Variants in LINGO2 observed in about 807,000 individuals in gnomAD.
LINGO2 encodes leucine rich repeat and Ig domain containing 2.
Under a neutral mutation model 30.6 loss-of-function variants are expected in LINGO2, and 14 were observed. The observed-to-expected ratio is 0.46, with a 90% CI of 0.30 to 0.72. The LOEUF is 0.72. Among genes scored for constraint, LINGO2 ranks in the 30% least tolerant of loss-of-function variants. The pLI is 0.07. For missense variants in LINGO2, 729 were observed against 751.7 expected (o/e 0.97, Z 0.35); for synonymous variants, 317 against 288.5 (o/e 1.10, Z -1.00).
chr9:28,636,059 G>A (rs957018557), intron 1 of LINGO2, among the ~76,000 whole-genome samples: 5 of 151,970 alleles, frequency 3.3e-5, no homozygotes, highest in Non-Finnish European at 7.4e-5. Flanking sequence ...CCACCTATGA[G>A]TGAGAACATG....
At chr9:28,035,927 T>A (rs960795960) in intron 4 of LINGO2, among the ~76,000 whole-genome samples, 5 of 151,904 alleles carry the variant, frequency 3.3e-5, no homozygotes, top group African/African-American at 9.7e-5. Context: ...TGCGCTAATA[T>A]AATACTGACT....
chr9:28,596,092 T>C (rs1825162627), intron 1 of LINGO2, among the ~76,000 whole-genome samples: 1 of 152,166 alleles, frequency 6.6e-6, no homozygotes, highest in Non-Finnish European at 1.5e-5. Flanking sequence ...TAACTTTTGG[T>C]AAGGTCCTAA....
the LINGO2 span, among the ~76,000 whole-genome samples, chr9:29,126,763 G>T: frequency 6.6e-6 from 1 of 152,056 alleles, no homozygotes; most frequent in Non-Finnish European, 1.5e-5. Context: ...ATAAGATTTT[G>T]CACTTCCTTC....
At chr9:29,029,187 A>G in the LINGO2 span, among the ~76,000 whole-genome samples, 1 of 152,112 alleles carries the variant, frequency 6.6e-6, no homozygotes, top group Non-Finnish European at 1.5e-5. Context: ...TCCTGCTTAT[A>G]GTGTGGTGCA....
chr9:29,160,450 T>C, the LINGO2 span, among the ~76,000 whole-genome samples: 4 of 152,220 alleles, frequency 2.6e-5, no homozygotes, highest in Non-Finnish European at 4.4e-5. Flanking sequence ...TTTGTGAAAA[T>C]TGAGATAACA....
intron 4 of LINGO2, among the ~76,000 whole-genome samples, chr9:28,110,676 A>C (rs4007463): frequency 0.99 from 151,259 of 152,274 alleles, 75,136 homozygotes; most frequent in Middle Eastern, 1. Flanking sequence ...CAAATCAAAA[A>C]CACAATGAGA....
chr9:28,938,199 G>C, the LINGO2 span, among the ~76,000 whole-genome samples: 1 of 152,174 alleles, frequency 6.6e-6, no homozygotes, highest in African/African-American at 2.4e-5. Context: ...ACCTCTGCTG[G>C]AGTCACCCAT....
At chr9:27,945,719 T>C (rs138424586), downstream of LINGO2, among the ~76,000 whole-genome samples, 1,944 of 152,086 alleles carry the variant, frequency 0.013, 20 homozygotes, top group Middle Eastern at 0.024. Context: ...TGAGGGAAAA[T>C]TCATTAACCC....
intron 5 of LINGO2, among the ~76,000 whole-genome samples, chr9:27,954,827 CT>C (rs1479531751): frequency 3.9e-5 from 6 of 152,156 alleles, no homozygotes; most frequent in Non-Finnish European, 8.8e-5. Context: ...AATTTTCATA[CT>C]GTTTACCATA....
At chr9:28,488,469 A>G (rs543486452) in intron 1 of LINGO2, among the ~76,000 whole-genome samples, 6 of 152,164 alleles carry the variant, frequency 3.9e-5, no homozygotes, top group Non-Finnish European at 7.4e-5. Flanking sequence ...GCAAGACAAT[A>G]TAGGATAGTG....
intron 4 of LINGO2, among the ~76,000 whole-genome samples, chr9:28,093,621 C>T (rs1434118309): frequency 6.6e-6 from 1 of 151,982 alleles, no homozygotes; most frequent in Non-Finnish European, 1.5e-5. Flanking sequence ...TTTTAACCGT[C>T]AAGAAACCCT....
At chr9:28,219,312 C>T (rs1171814498) in intron 4 of LINGO2, among the ~76,000 whole-genome samples, 1 of 152,142 alleles carries the variant, frequency 6.6e-6, no homozygotes, top group Non-Finnish European at 1.5e-5. Context: ...TGCATACTTG[C>T]TCTTTCTTTA....
chr9:28,674,212 T>C (rs1011927798), upstream of LINGO2, among the ~76,000 whole-genome samples: 5 of 152,152 alleles, frequency 3.3e-5, no homozygotes, highest in African/African-American at 1.2e-4. Context: ...TAGGAATATG[T>C]AAATGCAATT....
the LINGO2 span, among the ~76,000 whole-genome samples, chr9:28,989,739 T>C: frequency 6.6e-6 from 1 of 152,232 alleles, no homozygotes; most frequent in Non-Finnish European, 1.5e-5. Flanking sequence ...GGGACACAGC[T>C]AACTATATAT....
chr9:29,171,780 CCCA>C, the LINGO2 span, among the ~76,000 whole-genome samples: 365 of 151,730 alleles, frequency 2.4e-3, 1 homozygote, highest in Middle Eastern at 6.8e-3. Context: ...TATGATATAT[CCCA>C]ACATTATATA....
chr9:29,050,391 T>C, the LINGO2 span, among the ~76,000 whole-genome samples: 1 of 152,206 alleles, frequency 6.6e-6, no homozygotes, highest in Non-Finnish European at 1.5e-5. Flanking sequence ...TATACACGTC[T>C]GCTATGTATC....
chr9:29,203,073 C>CAT, the LINGO2 span, among the ~76,000 whole-genome samples: 5 of 152,030 alleles, frequency 3.3e-5, no homozygotes, highest in East Asian at 1.9e-4. Flanking sequence ...CAGAACCAAC[C>CAT]ATATATATAT....
At chr9:28,817,970 G>T in the LINGO2 span, among the ~76,000 whole-genome samples, 1 of 152,072 alleles carries the variant, frequency 6.6e-6, no homozygotes, top group Admixed American at 6.5e-5. Context: ...CTCATATAAG[G>T]ATCAGAAAAC....
chr9:28,820,950 C>A, the LINGO2 span, among the ~76,000 whole-genome samples: 1 of 152,204 alleles, frequency 6.6e-6, no homozygotes, highest in East Asian at 1.9e-4. Flanking sequence ...ATAAATGAGC[C>A]TTCAAGGCTT....
Sources: allele counts gnomAD v4.1 joint callset (sites outside exome capture counted in the v4.1 genomes callset), GRCh38; gene constraint gnomAD v4.1.1; transcripts MANE v1.5; gene names NCBI Gene and HGNC (gene_info 2026-07-23, HGNC 2026-07-21).